Variants in SLC16A7 observed in about 807,000 individuals in gnomAD.
The protein encoded by SLC16A7 is monocarboxylate transporter 2.
A neutral mutation model predicts 34.9 loss-of-function variants in SLC16A7; 33 were observed. That is an observed-to-expected ratio of 0.94 (90% confidence interval 0.72 to 1.26). The LOEUF (loss-of-function observed/expected upper bound fraction) is 1.26. SLC16A7 is among the 50% of genes most tolerant of loss of function. The pLI, the probability that SLC16A7 is intolerant of heterozygous loss-of-function variation, is 0.00. For missense variants in SLC16A7, 573 were observed against 578.1 expected, an observed-to-expected ratio of 0.99 and a Z score of 0.09; for synonymous variants, 201 against 206.6, an observed-to-expected ratio of 0.97 and a Z score of 0.23.
chr12:59,766,906 G>C, intron 3 of SLC16A7, among the ~76,000 whole-genome samples: 1 of 152,082 alleles, frequency 6.6e-6, no homozygotes, highest in East Asian at 1.9e-4. Context: ...AGAAGGAATG[G>C]TACCAGTTCC....
intron 3 of SLC16A7, among the ~76,000 whole-genome samples, chr12:59,721,437 G>A (rs1795895): frequency 2.2e-3 from 330 of 151,816 alleles, no homozygotes; most frequent in African/African-American, 7.6e-3. Context: ...GGACAAAATT[G>A]TATCTTCTCT....
At chr12:59,690,121 T>G (rs1871474356) in intron 2 of SLC16A7, among the ~76,000 whole-genome samples, 1 of 152,000 alleles carries the variant, frequency 6.6e-6, no homozygotes, top group Admixed American at 6.6e-5. Flanking sequence ...TATCATCCTC[T>G]TTTACTGTAG....
At chr12:59,706,219 T>G (rs1012744219) in intron 3 of SLC16A7, among the ~76,000 whole-genome samples, 4 of 152,166 alleles carry the variant, frequency 2.6e-5, no homozygotes, top group Non-Finnish European at 2.9e-5. Context: ...TCTATAAACC[T>G]GATTCAATTC....
At chr12:59,691,721 A>G (rs1450616957) in intron 2 of SLC16A7, among the ~76,000 whole-genome samples, 2 of 152,060 alleles carry the variant, frequency 1.3e-5, no homozygotes, top group African/African-American at 4.8e-5. Context: ...TTTTAGCTGT[A>G]TAAGTGCATG....
chr12:59,612,266 C>T (rs1315416275), intron 1 of SLC16A7, among the ~76,000 whole-genome samples: 4 of 152,232 alleles, frequency 2.6e-5, no homozygotes, highest in Non-Finnish European at 5.9e-5. Flanking sequence ...GTTACAGGTG[C>T]AAAACCACGT....
intron 2 of SLC16A7, among the ~76,000 whole-genome samples, chr12:59,704,199 C>CAAAAAAAAAAAAAAAAAAAAA (rs34021022): frequency 4.3e-4 from 22 of 51,612 alleles, no homozygotes; most frequent in South Asian, 8.2e-4. Context: ...GACTCTGTCT[C>CAAAAAAAAAAAAAAAAAAAAA]AAAAAAAAAA....
In SLC16A7 at chr12:59,784,144, A is replaced by G. The variant is rs1883451259; in HGVS notation, c.*4465A>G. ...ATACATTTTTTCTGAGGTTGGAGTT[A>G]GCAGGAAAATGTTATCTTTTATGAA... On this transcript the variant is annotated 3_prime_UTR_variant, in exon 6 of 6. Transcript: ENST00000547379. The G allele has an allele frequency of 1.3e-5, 2 of 151,990 alleles. No individual in the cohort carries two copies. The highest frequency in any genetic ancestry group is 4.1e-4 in the South Asian group (2 of 4,830). 9.4% of individuals were successfully genotyped at this position (151,990 alleles called of 1,614,324 possible). A position where few individuals can be genotyped will look rare whatever the true frequency, so the allele number is the denominator to read the frequency against.
intron 3 of SLC16A7, among the ~76,000 whole-genome samples, chr12:59,722,080 T>C (rs957981235): frequency 6.6e-6 from 1 of 151,880 alleles, no homozygotes; most frequent in African/African-American, 2.4e-5. Flanking sequence ...TCTCCTGAAC[T>C]CTAGACCTAT....
intron 2 of SLC16A7, among the ~76,000 whole-genome samples, chr12:59,671,357 T>C (rs992168585): frequency 2.6e-5 from 4 of 152,180 alleles, no homozygotes; most frequent in Non-Finnish European, 5.9e-5. Flanking sequence ...ATGTATACTT[T>C]AGTTACCAAT....
At chr12:59,628,836 A>C (rs1337519510) in intron 1 of SLC16A7, among the ~76,000 whole-genome samples, 1 of 151,870 alleles carries the variant, frequency 6.6e-6, no homozygotes, top group Admixed American at 6.6e-5. Context: ...TAATCCCTTA[A>C]GACTACATTA....
At chr12:59,704,518 CACTTT>C (rs1182547313) in intron 2 of SLC16A7, among the ~76,000 whole-genome samples, 1 of 152,052 alleles carries the variant, frequency 6.6e-6, no homozygotes, top group Non-Finnish European at 1.5e-5. Flanking sequence ...TTCTTAACTT[CACTTT>C]GAGTAATTTT....
chr12:59,687,357 T>C (rs981704936), intron 2 of SLC16A7, among the ~76,000 whole-genome samples: 7 of 152,054 alleles, frequency 4.6e-5, no homozygotes, highest in African/African-American at 1.4e-4. Context: ...TACCACCAAC[T>C]CATGCAAGCA....
chr12:59,683,743 G>A (rs1870927210), intron 2 of SLC16A7, among the ~76,000 whole-genome samples: 1 of 152,122 alleles, frequency 6.6e-6, no homozygotes, highest in Non-Finnish European at 1.5e-5. Flanking sequence ...TATAGAGATA[G>A]ATAATATAAT....
At chr12:59,735,143 G>A (rs566570856) in intron 3 of SLC16A7, among the ~76,000 whole-genome samples, 1 of 152,158 alleles carries the variant, frequency 6.6e-6, no homozygotes, top group Non-Finnish European at 1.5e-5. Context: ...ACCACTACTA[G>A]GTTCCTAAAA....
chr12:59,636,600 A>C (rs1231436526), intron 1 of SLC16A7, among the ~76,000 whole-genome samples: 1 of 152,102 alleles, frequency 6.6e-6, no homozygotes, highest in Non-Finnish European at 1.5e-5. Flanking sequence ...AGTAGCTGGG[A>C]CTACAGGTGT....
At chr12:59,641,324 G>T (rs943174147) in intron 1 of SLC16A7, among the ~76,000 whole-genome samples, 8 of 152,144 alleles carry the variant, frequency 5.3e-5, no homozygotes, top group African/African-American at 1.9e-4. Context: ...GAGACATTGT[G>T]TGTTCATTTG....
intron 2 of SLC16A7, among the ~76,000 whole-genome samples, chr12:59,672,210 G>A (rs200158345): frequency 3.7e-4 from 11 of 29,872 alleles, no homozygotes; most frequent in East Asian, 2.5e-3. Context: ...ACATATATAC[G>A]TATATATATG....
chr12:59,619,258 A>T (rs1255362293), intron 1 of SLC16A7, among the ~76,000 whole-genome samples: 1 of 151,038 alleles, frequency 6.6e-6, no homozygotes, highest in Non-Finnish European at 1.5e-5. Flanking sequence ...CATGCATTGT[A>T]TTACACAATC....
intron 3 of SLC16A7, among the ~76,000 whole-genome samples, chr12:59,735,375 G>A (rs189088424): frequency 6.6e-6 from 1 of 152,124 alleles, no homozygotes; most frequent in East Asian, 1.9e-4. Flanking sequence ...TTCCAGTAAT[G>A]CCTGATGTCT....
Sources: gnomAD v4.1 joint callset for allele counts (sites outside exome capture counted in the v4.1 genomes callset) on GRCh38, gnomAD v4.1.1 for gene constraint, MANE v1.5 for transcripts, NCBI Gene and HGNC (gene_info 2026-07-23, HGNC 2026-07-21) for gene names.